PDZD2: variants seen among roughly 807,000 people sequenced by gnomAD.
The protein encoded by PDZD2 is PDZ domain-containing protein 2.
In PDZD2, 90 loss-of-function variants were observed where a neutral mutation model predicts 220.7. The observed-to-expected ratio is 0.41, with a 90% CI of 0.34 to 0.49. PDZD2 has a LOEUF of 0.49. Ranked by LOEUF, PDZD2 falls within the 20% of genes least tolerant of loss-of-function variation. The pLI is 0.28. For missense variants in PDZD2, 3,174 were observed against 3,608.5 expected, an observed-to-expected ratio of 0.88 and a Z score of 3.08; for synonymous variants, 1,375 against 1,450.5, an observed-to-expected ratio of 0.95 and a Z score of 1.18.
chr5:31,799,649 G>A lies in PDZD2; in HGVS notation c.401G>A (p.Gly134Glu). 1 of 1,614,142 alleles carries A rather than the reference G, an allele frequency of 6.2e-7. No individual in the cohort carries two copies. Among genetic ancestry groups the A allele is most frequent in the Non-Finnish European group, 8.5e-7 (1 of 1,180,012 alleles). ...LRKNSPAGKS[G>E]KVRLRDEILS... ...AAGAACAGCCCAGCAGGGAAGAGTG[G>A]GAAGGTCCGACTGCGGGATGAGATC... The change falls in exon 2 of 25, where the codon GGG (glycine) becomes GAG (glutamate). Residue 134 changes from glycine to glutamate, a missense_variant. Gly to Glu is a moderately conservative substitution (Grantham distance 98). Coordinates refer to ENST00000438447, the MANE Select transcript of PDZD2 (RefSeq NM_178140.4).
In PDZD2 at chr5:32,088,593, CA is replaced by C; in HGVS notation, c.5146del (p.Arg1716GlyfsTer16). ...MENSPLSKVA[R>X]HFHSPPIILS... ...AAAACAGTCCGCTGTCTAAAGTAGC[CA>C]GGCATTTTCACAGTCCGCCCATCAT... On this transcript the variant is annotated frameshift_variant, in exon 20 of 25. Transcript: ENST00000438447. LOFTEE classifies it high-confidence loss of function. This position sits in a 1 kb window ranked among gnomAD's most constrained non-coding sequence, Gnocchi z 4.6. 6.2e-7 allele frequency: 1 copy of C among 1,614,152 alleles called. No individual in the cohort carries two copies. The highest frequency in any genetic ancestry group is 8.5e-7 in the Non-Finnish European group (1 of 1,180,004).
intron 1 of PDZD2, among the ~76,000 whole-genome samples, chr5:31,739,353 C>G (rs1050927748): frequency 3.3e-5 from 5 of 151,808 alleles, no homozygotes; most frequent in African/African-American, 7.3e-5. Context: ...TTCATCAGAG[C>G]ATCATTTATG....
chr5:31,771,422 G>A (rs1316034726), intron 1 of PDZD2, among the ~76,000 whole-genome samples: 1 of 152,168 alleles, frequency 6.6e-6, no homozygotes, highest in East Asian at 1.9e-4. Flanking sequence ...GGGCTGATGG[G>A]AGTGTTTTCG....
At chr5:32,082,902 A>T (rs1311691052) in intron 19 of PDZD2, among the ~76,000 whole-genome samples, 1 of 152,158 alleles carries the variant, frequency 6.6e-6, no homozygotes, top group African/African-American at 2.4e-5. Context: ...CCAGAACGAG[A>T]GGAGGTGGTA....
At chr5:31,810,557 G>A (rs948621265) in intron 2 of PDZD2, among the ~76,000 whole-genome samples, 12 of 152,104 alleles carry the variant, frequency 7.9e-5, no homozygotes, top group East Asian at 3.9e-4. Context: ...GAGCCACCAC[G>A]ACCAGCCGCC....
At chr5:31,939,267 A>C (rs528530318) in intron 2 of PDZD2, among the ~76,000 whole-genome samples, 1 of 152,250 alleles carries the variant, frequency 6.6e-6, no homozygotes, top group East Asian at 1.9e-4. Flanking sequence ...GAATTTAGAG[A>C]TTAAGCAACC....
intron 1 of PDZD2, among the ~76,000 whole-genome samples, chr5:31,792,338 G>A (rs1753776227): frequency 6.6e-6 from 1 of 152,194 alleles, no homozygotes. Context: ...ATGGGTCTGG[G>A]TTCTAGTTCT....
At chr5:31,884,407 G>A (rs1355132936) in intron 2 of PDZD2, among the ~76,000 whole-genome samples, 2 of 152,084 alleles carry the variant, frequency 1.3e-5, no homozygotes, top group Admixed American at 1.3e-4. Flanking sequence ...TGAATCTGTG[G>A]TTTCAAATTC....
chr5:31,945,410 A>C (rs1330274673), intron 2 of PDZD2, among the ~76,000 whole-genome samples: 1 of 152,168 alleles, frequency 6.6e-6, no homozygotes, highest in Non-Finnish European at 1.5e-5. Context: ...CCACTGGCCA[A>C]AGATGTTATT....
intron 1 of PDZD2, among the ~76,000 whole-genome samples, chr5:31,718,081 A>G (rs1361521908): frequency 1.3e-5 from 2 of 152,192 alleles, no homozygotes; most frequent in Non-Finnish European, 2.9e-5. Context: ...ATGGAATTTA[A>G]AGGTCACTCT....
chr5:31,691,181 G>A (rs1016850631), intron 1 of PDZD2, among the ~76,000 whole-genome samples: 5 of 152,058 alleles, frequency 3.3e-5, no homozygotes, highest in African/African-American at 9.7e-5. Flanking sequence ...TCGTGGTGTC[G>A]CTGGCTCAGG....
chr5:31,843,284 T>G (rs1447494388), intron 2 of PDZD2: 3 of 151,588 alleles, frequency 2.0e-5, no homozygotes, highest in Non-Finnish European at 4.4e-5. Flanking sequence ...TTTTTTTTTT[T>G]TAGATGGAGT....
intron 8 of PDZD2, among the ~76,000 whole-genome samples, chr5:32,049,187 G>A (rs422224): frequency 7.2e-5 from 11 of 151,774 alleles, no homozygotes; most frequent in Non-Finnish European, 1.3e-4. Flanking sequence ...TGCTCAAGTT[G>A]ATGTTACAGA....
intron 1 of PDZD2, among the ~76,000 whole-genome samples, chr5:31,721,971 G>C (rs572862188): frequency 6.6e-6 from 1 of 151,828 alleles, no homozygotes; most frequent in Admixed American, 6.6e-5. Context: ...CCCAGCCTTC[G>C]TTCCTCCCTC....
chr5:31,896,189 C>A (rs888972004), intron 2 of PDZD2, among the ~76,000 whole-genome samples: 5 of 152,088 alleles, frequency 3.3e-5, no homozygotes, highest in Non-Finnish European at 5.9e-5. Flanking sequence ...AAATACACTA[C>A]TCTAGGCATG....
At chr5:31,876,297 C>CTTT in intron 2 of PDZD2, among the ~76,000 whole-genome samples, 1 of 141,496 alleles carries the variant, frequency 7.1e-6, no homozygotes, top group African/African-American at 2.6e-5. Context: ...AATTTTTTTT[C>CTTT]TTTTTTTTTT....
intron 19 of PDZD2, among the ~76,000 whole-genome samples, chr5:32,085,438 A>C (rs1327202160): frequency 6.7e-6 from 1 of 149,220 alleles, no homozygotes; most frequent in Non-Finnish European, 1.5e-5. Context: ...CAATAAATGC[A>C]ATACCTTATT....
chr5:32,047,249 G>A (rs1313987329), intron 7 of PDZD2, among the ~76,000 whole-genome samples: 5 of 151,962 alleles, frequency 3.3e-5, no homozygotes, highest in African/African-American at 9.7e-5. Context: ...AATGAATACC[G>A]TCATATTTTC....
intron 2 of PDZD2, among the ~76,000 whole-genome samples, chr5:31,857,038 T>TTATGTTTTCTAGA (rs1758515899): frequency 6.6e-6 from 1 of 152,002 alleles, no homozygotes; most frequent in Non-Finnish European, 1.5e-5. Context: ...TCTAGAGGCG[T>TTATGTTTTCTAGA]GGTCTTGTTA....
Sources: allele counts gnomAD v4.1 joint callset (sites outside exome capture counted in the v4.1 genomes callset), GRCh38; gene constraint gnomAD v4.1.1; non-coding constraint Gnocchi (gnomAD v3.1); transcripts MANE v1.5; gene names NCBI Gene and HGNC (gene_info 2026-07-23, HGNC 2026-07-21).